Variants in XYLT1 observed in about 807,000 individuals in gnomAD.
The protein encoded by XYLT1 is beta-D-xylosyltransferase 1.
XYLT1 carries 36 observed loss-of-function variants against 91.3 expected under a neutral mutation model. The observed-to-expected ratio is 0.39, with a 90% CI of 0.30 to 0.52. The LOEUF (loss-of-function observed/expected upper bound fraction) is 0.52, where lower values mean the gene tolerates loss of function less well. XYLT1 is among the 20% of genes least tolerant of loss of function. The pLI, the probability that XYLT1 is intolerant of heterozygous loss-of-function variation, is 0.68. For missense variants in XYLT1, 1,242 were observed against 1,284.5 expected (o/e 0.97, Z 0.51); for synonymous variants, 588 against 532.0 (o/e 1.11, Z -1.45).
chr16:17,372,188 G>A (rs535687657), intron 1 of XYLT1, among the ~76,000 whole-genome samples: 2 of 152,288 alleles, frequency 1.3e-5, no homozygotes, highest in East Asian at 1.9e-4. Flanking sequence ...AATTATTCAC[G>A]CAGGAGCATC....
intron 1 of XYLT1, among the ~76,000 whole-genome samples, chr16:17,425,830 C>T (rs1282496669): frequency 6.6e-6 from 1 of 152,130 alleles, no homozygotes; most frequent in Non-Finnish European, 1.5e-5. Flanking sequence ...TAAATACATC[C>T]TTCAAACTCA....
intron 2 of XYLT1, among the ~76,000 whole-genome samples, chr16:17,345,192 C>T (rs2035127439): frequency 6.6e-6 from 1 of 152,246 alleles, no homozygotes; most frequent in Non-Finnish European, 1.5e-5. Flanking sequence ...CTGGGCTTCA[C>T]TCATGTGGTG....
At chr16:17,266,312 C>T (rs778816132) in intron 2 of XYLT1, among the ~76,000 whole-genome samples, 4 of 152,254 alleles carry the variant, frequency 2.6e-5, no homozygotes, top group South Asian at 4.2e-4. Context: ...GGGACTGAAT[C>T]GATCAAGCAT....
At chr16:17,229,922 C>T (rs965290069) in intron 3 of XYLT1, among the ~76,000 whole-genome samples, 2 of 152,162 alleles carry the variant, frequency 1.3e-5, no homozygotes, top group African/African-American at 4.8e-5. Context: ...GGCTAGAAAT[C>T]CAATGACTCA....
chr16:17,215,812 A>T (rs2032846648), intron 3 of XYLT1, among the ~76,000 whole-genome samples: 1 of 152,196 alleles, frequency 6.6e-6, no homozygotes, highest in African/African-American at 2.4e-5. Context: ...TGTGGCTGGA[A>T]CTGAGGCCAA....
chr16:17,119,865 A>T (rs966724223), intron 10 of XYLT1, among the ~76,000 whole-genome samples: 2 of 152,210 alleles, frequency 1.3e-5, no homozygotes, highest in Non-Finnish European at 2.9e-5. Context: ...TCACTCTCTC[A>T]GTCATTCATT....
At position 17,117,795 on chromosome 16, in the gene XYLT1, G is replaced by A; in HGVS notation, c.2408C>T (p.Ala803Val). The A allele has an allele frequency of 6.2e-7, 1 of 1,614,152 alleles. No homozygotes were observed. Among genetic ancestry groups the A allele is most frequent in the East Asian group, 2.2e-5 (1 of 44,878 alleles). Reference protein sequence around the residue: ...ATYDILIESTAEFTHYKPPLN... With the variant: ...ATYDILIESTVEFTHYKPPLN... ...AGGGGGCTTGTAGTGTGTGAATTCG[G>A]CAGTGGACTCAATGAGGATGTCGTA... Residue 803 changes from alanine (A) to valine (V), a missense_variant, in exon 11 of 12, where the codon GCC becomes GTC. Around this residue, in one of 3 missense-constraint regions of XYLT1, gnomAD observed 511 missense variants for 497.0 expected, o/e 1.03. Transcript: ENST00000261381.
At chr16:17,359,032 A>G (rs552254179) in intron 1 of XYLT1, among the ~76,000 whole-genome samples, 24 of 152,288 alleles carry the variant, frequency 1.6e-4, no homozygotes, top group Admixed American at 4.6e-4. Flanking sequence ...CAGGGAGGGT[A>G]CAGGAGGAGG....
At position 17,103,505 on chromosome 16, in the gene XYLT1, C is replaced by T. The variant is rs577309158; in HGVS notation, c.*5190G>A. On this transcript the variant is annotated 3_prime_UTR_variant, in exon 12 of 12. Coordinates refer to ENST00000261381, the MANE Select transcript of XYLT1 (RefSeq NM_022166.4). Reference sequence around the variant, plus strand: ...CACAGAAGCTTCACGATGCTGTCTTCTCTGATGTTGGTGGAGATGGGAGGG... The same window carrying T: ...CACAGAAGCTTCACGATGCTGTCTTTTCTGATGTTGGTGGAGATGGGAGGG... 10 of 152,336 alleles carry T rather than the reference C, an allele frequency of 6.6e-5. No homozygotes were observed. The East Asian group carries it at 1.5e-3, about 24-fold the overall frequency. The allele number at this position is 152,336 out of a possible 1,614,324, so 9.4% of individuals were successfully genotyped here.
chr16:17,289,288 C>A (rs986195170), intron 2 of XYLT1, among the ~76,000 whole-genome samples: 4 of 152,206 alleles, frequency 2.6e-5, no homozygotes, highest in Admixed American at 2.6e-4. Flanking sequence ...CAGTTTGCTA[C>A]CTCCTGCTCT....
intron 1 of XYLT1, among the ~76,000 whole-genome samples, chr16:17,465,548 T>C (rs1169387706): frequency 2.5e-5 from 1 of 39,526 alleles, no homozygotes; most frequent in Non-Finnish European, 5.1e-5. Flanking sequence ...ATTTTTTGTG[T>C]TTTTTTTTGG....
rs566971589 is a variant in XYLT1 at position 17,360,730 on chromosome 16, G to C, written c.364-2680C>G. Among the ~76,000 whole-genome samples the C allele has an allele frequency of 4.6e-5, 7 of 152,336 alleles. No individual in the cohort carries two copies. In the South Asian group the frequency reaches 1.4e-3, roughly 32 times the overall value. On this transcript the variant is annotated intron_variant, in intron 1 of 11. Transcript: ENST00000261381. The stretch of plus-strand genomic sequence containing the variant: ...ATCCTCCTTAATTGGAAAGGCTAAC[G>C]AAGTGGAACCAGGTCAATGATGCTG...
chr16:17,143,274 C>G (rs2031034103), intron 6 of XYLT1, among the ~76,000 whole-genome samples: 1 of 152,096 alleles, frequency 6.6e-6, no homozygotes, highest in Non-Finnish European at 1.5e-5. Context: ...CTGCCACCAT[C>G]ATCATCATCT....
intron 5 of XYLT1, among the ~76,000 whole-genome samples, chr16:17,167,974 G>C (rs990983679): frequency 2.0e-5 from 3 of 152,210 alleles, no homozygotes. Context: ...GTTTATGCAA[G>C]GACCTTACTG....
At chr16:17,111,010 A>G (rs551040441) in intron 11 of XYLT1, among the ~76,000 whole-genome samples, 2 of 152,274 alleles carry the variant, frequency 1.3e-5, no homozygotes, top group African/African-American at 4.8e-5. Flanking sequence ...AAATACAAAA[A>G]TAAGCCGGGC....
chr16:17,277,504 C>T (rs946534880), intron 2 of XYLT1, among the ~76,000 whole-genome samples: 2 of 152,116 alleles, frequency 1.3e-5, no homozygotes, highest in Non-Finnish European at 2.9e-5. Flanking sequence ...ATTCTCCTGC[C>T]TCAGCCTCCT....
In XYLT1 at chr16:17,198,299, T is replaced by C; in HGVS notation, c.1202A>G (p.Tyr401Cys). 6.2e-7 allele frequency: 1 copy of C among 1,614,116 alleles called. No individual in the cohort carries two copies. Among genetic ancestry groups the C allele is most frequent in the African/African-American group, 1.3e-5 (1 of 75,030 alleles). ...CAGGAGGTCCCGCATGCTCTGCAGG[T>C]AGGTGGACAGGAGGCTGGCTCCTCC... ...IWGGASLLST[Y>C]LQSMRDLLEM... Residue 401 changes from tyrosine (Y) to cysteine (C), a missense_variant, in exon 5 of 12, where the codon TAC becomes TGC. Transcript: ENST00000261381.
At chr16:17,274,675 G>A (rs1212984721) in intron 2 of XYLT1, among the ~76,000 whole-genome samples, 1 of 152,136 alleles carries the variant, frequency 6.6e-6, no homozygotes, top group Non-Finnish European at 1.5e-5. Flanking sequence ...ACTTCACAGA[G>A]AAAGCAGTTT....
At chr16:17,346,470 C>T (rs149696868) in intron 2 of XYLT1, among the ~76,000 whole-genome samples, 456 of 152,310 alleles carry the variant, frequency 3.0e-3, no homozygotes, top group African/African-American at 9.9e-3. Context: ...GGTCACCAGT[C>T]ATGGACATCC....
Sources: gnomAD v4.1 joint callset for allele counts (sites outside exome capture counted in the v4.1 genomes callset) on GRCh38, gnomAD v4.1.1 for gene constraint, gnomAD v4.1.1 regional missense constraint, MANE v1.5 for transcripts, NCBI Gene and HGNC (gene_info 2026-07-23, HGNC 2026-07-21) for gene names.